The following RIF1 variants were observed in gnomAD, a reference collection of about 807,000 sequenced individuals.
RIF1 encodes the protein replication timing regulatory factor 1, also known as telomere-associated protein RIF1.
A neutral mutation model predicts 247.1 loss-of-function variants in RIF1; 45 were observed. The observed-to-expected ratio is 0.18, with a 90% confidence interval of 0.14 to 0.23. The LOEUF is 0.23. Ranked by LOEUF, RIF1 falls within the 10% of genes least tolerant of loss-of-function variation. RIF1 has a pLI of 1.00. For missense variants in RIF1, 2,967 were observed against 2,862.5 expected (o/e 1.04, Z -0.83); for synonymous variants, 1,087 against 978.8 (o/e 1.11, Z -2.06).
chr2:151,416,530 C>A, intron 4 of RIF1, 31 bp from the exon 5 acceptor site: 7 of 1,560,712 alleles, frequency 4.5e-6, no homozygotes, highest in Non-Finnish European at 6.1e-6. Context: ...ATCACCTATT[C>A]TATACAAAAT....
intron 8 of RIF1, 34 bp downstream of exon 8, chr2:151,423,076 T>C (rs779329559): frequency 1.8e-6 from 2 of 1,120,682 alleles, no homozygotes; most frequent in South Asian, 2.6e-5. Flanking sequence ...TCAACAGTTT[T>C]TACATGCTGG....
chr2:151,507,568 CCT>C (rs764605183), intron 13 of RIF1, among the ~76,000 whole-genome samples: 16 of 152,162 alleles, frequency 1.1e-4, no homozygotes, highest in Non-Finnish European at 1.6e-4. Context: ...CGCTAAATCC[CCT>C]GTTTATTACC....
intron 11 of RIF1, among the ~76,000 whole-genome samples, chr2:151,502,533 C>CTGTT (rs1397533691): frequency 1.3e-5 from 2 of 151,942 alleles, no homozygotes; most frequent in African/African-American, 2.4e-5. Flanking sequence ...GAAACACCTA[C>CTGTT]TGTTATTAAA....
chr2:151,472,355 C>G (rs2152539256), intron 34 of RIF1, among the ~76,000 whole-genome samples: 1 of 152,220 alleles, frequency 6.6e-6, no homozygotes, highest in African/African-American at 2.4e-5. Context: ...AAGTGAATAC[C>G]CTTTATTTCT....
chr2:151,447,133 C>T (rs1265664951), intron 20 of RIF1, among the ~76,000 whole-genome samples: 6 of 151,570 alleles, frequency 4.0e-5, no homozygotes, highest in African/African-American at 1.2e-4. Flanking sequence ...TTAGTAGAGA[C>T]GGGGTTTCAC....
intron 21 of RIF1, among the ~76,000 whole-genome samples, chr2:151,452,533 G>C (rs1306805137): frequency 6.6e-6 from 1 of 152,128 alleles, no homozygotes; most frequent in African/African-American, 2.4e-5. Flanking sequence ...TTTTTACTAA[G>C]TAGCAATATG....
chr2:151,443,907 C>T (rs1467159059), intron 18 of RIF1, among the ~76,000 whole-genome samples, 198 bp downstream of exon 18: 2 of 152,136 alleles, frequency 1.3e-5, no homozygotes, highest in Admixed American at 6.6e-5. Context: ...TTAATGGGGA[C>T]TAATCAGCTT....
At chr2:151,471,717 C>A (rs1347586482) in intron 34 of RIF1, among the ~76,000 whole-genome samples, 1 of 152,110 alleles carries the variant, frequency 6.6e-6, no homozygotes, top group Non-Finnish European at 1.5e-5. Flanking sequence ...CTGTTCTGTT[C>A]CATTGGCTTA....
chr2:151,439,988 A>T (rs771286315), intron 14 of RIF1, 39 bp from the exon 15 acceptor site: 1 of 825,946 alleles, frequency 1.2e-6, no homozygotes, highest in South Asian at 1.5e-5. Context: ...AAAAAAAAAA[A>T]AAAAAAAGAA....
intron 30 of RIF1, among the ~76,000 whole-genome samples, 165 bp downstream of exon 30, chr2:151,466,285 C>T (rs1001132134): frequency 6.6e-6 from 1 of 151,810 alleles, no homozygotes; most frequent in Non-Finnish European, 1.5e-5. Flanking sequence ...GAAAAGGTTT[C>T]GAAAAAAGGA....
At chr2:151,411,141 G>T in intron 2 of RIF1, 119 bp from the exon 3 acceptor site, 1 of 655,256 alleles carries the variant, frequency 1.5e-6, no homozygotes, top group Non-Finnish European at 2.7e-6. Context: ...CTTACCTACT[G>T]GGTCAATTCA....
At chr2:151,498,251 C>A in intron 10 of RIF1, 1 of 1,551,170 alleles carries the variant, frequency 6.4e-7, no homozygotes, top group Non-Finnish European at 8.7e-7. Context: ...CCCTTTCTTT[C>A]CAAAATACCG....
chr2:151,415,619 A>G (rs950662168), intron 4 of RIF1, among the ~76,000 whole-genome samples: 1 of 148,186 alleles, frequency 6.7e-6, no homozygotes, highest in South Asian at 2.2e-4. Flanking sequence ...CATGCCTGTA[A>G]TCCCAGCACT....
the RIF1 span, among the ~76,000 whole-genome samples, chr2:151,516,927 T>G: frequency 6.6e-6 from 1 of 152,210 alleles, no homozygotes; most frequent in Admixed American, 6.5e-5. Flanking sequence ...TTAAAATTAT[T>G]AATGCTATTA....
chr2:151,410,282 C>T (rs1685913123), intron 1 of RIF1, 132 bp from the exon 2 acceptor site: 1 of 698,124 alleles, frequency 1.4e-6, no homozygotes, highest in Admixed American at 2.3e-5. Flanking sequence ...ATTCGGAGGC[C>T]TGGGGTGCAG....
the RIF1 span, among the ~76,000 whole-genome samples, chr2:151,518,665 A>G: frequency 7.9e-5 from 12 of 152,230 alleles, no homozygotes; most frequent in Non-Finnish European, 1.5e-4. Flanking sequence ...TAAAAAGTTA[A>G]AAGTGAAAGA....
At chr2:151,417,469 CAAT>C (rs1687404039) in intron 6 of RIF1, among the ~76,000 whole-genome samples, 2 of 152,242 alleles carry the variant, frequency 1.3e-5, no homozygotes, top group Admixed American at 6.5e-5. Context: ...TTTTCTATAA[CAAT>C]GATGAATTTA....
At chr2:151,424,825 A>ATTT (rs71000475) in intron 8 of RIF1, among the ~76,000 whole-genome samples, 474 of 47,214 alleles carry the variant, frequency 0.01, 18 homozygotes, top group African/African-American at 0.016. Flanking sequence ...AGCCCGGCTG[A>ATTT]TTTTTTTTTT....
intron 18 of RIF1, among the ~76,000 whole-genome samples, chr2:151,445,030 A>C (rs552363102): frequency 2.1e-4 from 32 of 152,214 alleles, no homozygotes; most frequent in African/African-American, 7.5e-4. Flanking sequence ...TAGCTGCATC[A>C]CTTGACTATG....
Sources: allele counts gnomAD v4.1 joint callset (sites outside exome capture counted in the v4.1 genomes callset), GRCh38; gene constraint gnomAD v4.1.1; transcripts MANE v1.5; gene names NCBI Gene and HGNC (gene_info 2026-07-23, HGNC 2026-07-21).